Variants in TENM2 observed in about 807,000 individuals in gnomAD.
The protein encoded by TENM2 is teneurin transmembrane protein 2.
TENM2 carries 52 observed loss-of-function variants against 245.2 expected under a neutral mutation model. That is an observed-to-expected ratio of 0.21 (90% CI 0.17 to 0.27). The LOEUF (loss-of-function observed/expected upper bound fraction) is 0.27, where lower values mean the gene tolerates loss of function less well. Among genes scored for constraint, TENM2 ranks in the 10% least tolerant of loss-of-function variants. The pLI, the probability that TENM2 is intolerant of heterozygous loss-of-function variation, is 1.00. For synonymous variants in TENM2, 1,363 were observed against 1,438.9 expected (o/e 0.95, Z 1.19); for missense variants, 3,046 against 3,666.8 (o/e 0.83, Z 4.37).
the TENM2 span, among the ~76,000 whole-genome samples, chr5:167,210,183 G>A: frequency 6.6e-6 from 1 of 152,172 alleles, no homozygotes; most frequent in African/African-American, 2.4e-5. Flanking sequence ...AAGGTGTAAA[G>A]AGGTAACTTA....
chr5:167,668,839 A>T (rs1755746060), intron 2 of TENM2, among the ~76,000 whole-genome samples: 1 of 152,180 alleles, frequency 6.6e-6, no homozygotes, highest in Admixed American at 6.5e-5. Context: ...CTGTAGTCCC[A>T]GCTACTTGTA....
At chr5:167,911,048 G>A (rs1272352932) in intron 3 of TENM2, among the ~76,000 whole-genome samples, 2 of 152,096 alleles carry the variant, frequency 1.3e-5, no homozygotes, top group African/African-American at 4.8e-5. Flanking sequence ...TAGAAGATTT[G>A]ATGTTTTTTT....
chr5:167,347,682 T>TA (rs201038857), intron 1 of TENM2, among the ~76,000 whole-genome samples: 2,404 of 152,182 alleles, frequency 0.016, 72 homozygotes, highest in African/African-American at 0.055. Flanking sequence ...TTTATTTTTT[T>TA]ATCCTTTCTT....
chr5:167,482,299 AG>A (rs1400960438), intron 2 of TENM2, among the ~76,000 whole-genome samples: 1 of 152,188 alleles, frequency 6.6e-6, no homozygotes, highest in Non-Finnish European at 1.5e-5. Flanking sequence ...AACTTTGAGA[AG>A]TAGTTTCCCA....
intron 13 of TENM2, among the ~76,000 whole-genome samples, chr5:168,187,910 C>T (rs940402113): frequency 1.3e-5 from 2 of 152,108 alleles, no homozygotes; most frequent in Non-Finnish European, 2.9e-5. Flanking sequence ...GAAAGTCTCT[C>T]AATCTAAAGT....
intron 2 of TENM2, among the ~76,000 whole-genome samples, chr5:167,503,604 C>CA (rs1769355422): frequency 6.6e-6 from 1 of 151,238 alleles, no homozygotes. Flanking sequence ...TGTTAAAAAA[C>CA]AGATATTGGC....
the TENM2 span, among the ~76,000 whole-genome samples, chr5:167,034,435 C>G: frequency 9.5e-4 from 144 of 152,022 alleles, no homozygotes; most frequent in Non-Finnish European, 4.3e-4. Context: ...TCGAGACCAT[C>G]CCGGCTAAAA....
chr5:167,011,799 A>C, the TENM2 span, among the ~76,000 whole-genome samples: 1 of 152,186 alleles, frequency 6.6e-6, no homozygotes, highest in Non-Finnish European at 1.5e-5. Context: ...TTCCTATCTG[A>C]GAAAGTAATG....
intron 1 of TENM2, among the ~76,000 whole-genome samples, chr5:167,331,420 A>G (rs1196246463): frequency 6.6e-6 from 1 of 152,204 alleles, no homozygotes; most frequent in East Asian, 1.9e-4. Context: ...ATGGACAGAT[A>G]GTGCCTATGA....
intron 1 of TENM2, among the ~76,000 whole-genome samples, chr5:167,363,730 C>CAAAA (rs10659741): frequency 0.53 from 46,889 of 88,928 alleles, 12,522 homozygotes; most frequent in Admixed American, 0.64. Context: ...GACTCCATCT[C>CAAAA]AAAAAAAAAA....
chr5:167,135,352 T>C, the TENM2 span, among the ~76,000 whole-genome samples: 1 of 152,212 alleles, frequency 6.6e-6, no homozygotes, highest in Non-Finnish European at 1.5e-5. Flanking sequence ...AAATTTGAAA[T>C]AGAATTATAG....
At chr5:167,433,634 A>C (rs981138751) in intron 2 of TENM2, among the ~76,000 whole-genome samples, 3 of 152,142 alleles carry the variant, frequency 2.0e-5, no homozygotes, top group African/African-American at 7.2e-5. Context: ...AGCATAAAGT[A>C]ATGTGACATT....
intron 2 of TENM2, among the ~76,000 whole-genome samples, chr5:167,468,976 T>A (rs555111359): frequency 6.6e-6 from 1 of 152,216 alleles, no homozygotes; most frequent in Non-Finnish European, 1.5e-5. Context: ...ATCTCTGTCT[T>A]CCTGAATAAT....
At chr5:167,409,753 A>G (rs1055847813) in intron 2 of TENM2, among the ~76,000 whole-genome samples, 1 of 151,782 alleles carries the variant, frequency 6.6e-6, no homozygotes, top group Non-Finnish European at 1.5e-5. Flanking sequence ...ATTTTTATTC[A>G]GGTAGGGGTG....
intron 3 of TENM2, among the ~76,000 whole-genome samples, chr5:167,896,540 C>T (rs143271407): frequency 7.2e-5 from 11 of 152,174 alleles, no homozygotes; most frequent in Non-Finnish European, 1.3e-4. Flanking sequence ...CTGATGAGGG[C>T]GGTACAAAGA....
chr5:167,223,943 G>A, the TENM2 span, among the ~76,000 whole-genome samples: 1 of 152,116 alleles, frequency 6.6e-6, no homozygotes, highest in Admixed American at 6.5e-5. Flanking sequence ...GATGATTAGT[G>A]ATTTTGAGCA....
chr5:167,985,670 A>G (rs1783189488), intron 4 of TENM2, among the ~76,000 whole-genome samples: 1 of 152,236 alleles, frequency 6.6e-6, no homozygotes, highest in South Asian at 2.1e-4. Context: ...TTTGTATAGT[A>G]CATTTCTTTT....
the TENM2 span, among the ~76,000 whole-genome samples, chr5:167,238,454 C>T: frequency 1.3e-5 from 2 of 152,116 alleles, no homozygotes; most frequent in East Asian, 1.9e-4. Context: ...TTAATTCTCT[C>T]TCCATGAAGA....
At chr5:167,678,384 T>C (rs1756477092) in intron 2 of TENM2, among the ~76,000 whole-genome samples, 1 of 152,122 alleles carries the variant, frequency 6.6e-6, no homozygotes, top group Non-Finnish European at 1.5e-5. Flanking sequence ...ATATACTCAA[T>C]GCAGGGCGTT....
Sources: gnomAD v4.1 joint callset for allele counts (sites outside exome capture counted in the v4.1 genomes callset) on GRCh38, gnomAD v4.1.1 for gene constraint, MANE v1.5 for transcripts, NCBI Gene and HGNC (gene_info 2026-07-23, HGNC 2026-07-21) for gene names.